Variants in CFAP20DC observed in about 807,000 individuals in gnomAD.
CFAP20DC encodes CFAP20 domain containing.
Under a neutral mutation model 101.7 loss-of-function variants are expected in CFAP20DC, and 84 were observed. The ratio of observed to expected loss-of-function variants is 0.83; its 90% CI spans 0.69 to 0.99. CFAP20DC has a LOEUF of 0.99. CFAP20DC is among the 50% of genes least tolerant of loss of function. The pLI, the probability that CFAP20DC is intolerant of heterozygous loss-of-function variation, is 0.00. For missense variants in CFAP20DC, 1,007 were observed against 970.3 expected (o/e 1.04, Z -0.50); for synonymous variants, 359 against 351.2 (o/e 1.02, Z -0.25).
At chr3:58,753,652 T>C (rs2107259745) in intron 16 of CFAP20DC, 117 bp downstream of exon 16, 2 of 743,406 alleles carry the variant, frequency 2.7e-6, no homozygotes, top group Middle Eastern at 3.6e-4. Context: ...ATTTAGGGTG[T>C]GTAAGACTAA....
At chr3:58,881,368 G>C (rs191963635) in intron 7 of CFAP20DC, among the ~76,000 whole-genome samples, 2 of 152,138 alleles carry the variant, frequency 1.3e-5, no homozygotes, top group East Asian at 3.9e-4. Flanking sequence ...AACCAGATCT[G>C]ATTCTCTGGT....
At chr3:58,853,294 A>G (rs1175297313) in intron 12 of CFAP20DC, among the ~76,000 whole-genome samples, 1 of 152,212 alleles carries the variant, frequency 6.6e-6, no homozygotes, top group African/African-American at 2.4e-5. Flanking sequence ...GAAGAAGTTG[A>G]ATCTCTGAAT....
At chr3:58,790,927 AG>A (rs1198286776) in intron 15 of CFAP20DC, among the ~76,000 whole-genome samples, 2 of 152,090 alleles carry the variant, frequency 1.3e-5, no homozygotes, top group African/African-American at 4.8e-5. Flanking sequence ...AAAATTCAAG[AG>A]GTATTTTATG....
chr3:58,844,331 T>A (rs879415158), intron 13 of CFAP20DC, among the ~76,000 whole-genome samples: 7,516 of 141,132 alleles, frequency 0.053, 341 homozygotes, highest in African/African-American at 0.14. Context: ...ACCAAGCAAA[T>A]GGAAAACAAA....
intron 14 of CFAP20DC, among the ~76,000 whole-genome samples, chr3:58,817,243 C>A (rs1222919239): frequency 6.6e-6 from 1 of 152,178 alleles, no homozygotes; most frequent in African/African-American, 2.4e-5. Flanking sequence ...CTCTCTTCCT[C>A]CAAAGGAACG....
Position 58,812,117 on chromosome 3 carries a change from C to G in CFAP20DC, c.2176-5661G>C, listed in dbSNP as rs191207251. On this transcript the variant is annotated intron_variant, in intron 14 of 16. Transcript: ENST00000482387. Reference sequence around the variant, plus strand: ...TTTACACTGTTGCTGGGACTGTAAACTAGCTCGACCATTGTGGAAGTCAGT... The same window carrying G: ...TTTACACTGTTGCTGGGACTGTAAAGTAGCTCGACCATTGTGGAAGTCAGT... Among the ~76,000 whole-genome samples the G allele has an allele frequency of 3.5e-3, 533 of 152,258 alleles. 5 individuals carry two copies. Among genetic ancestry groups the G allele is most frequent in the African/African-American group, 0.012 (505 of 41,558 alleles).
chr3:58,749,992 A>T (rs1468877801), intron 16 of CFAP20DC, among the ~76,000 whole-genome samples: 1 of 152,162 alleles, frequency 6.6e-6, no homozygotes, highest in African/African-American at 2.4e-5. Context: ...AGGAGCTGTG[A>T]AGAGCTGATC....
chr3:59,019,800 T>C (rs1408390432), intron 4 of CFAP20DC, among the ~76,000 whole-genome samples: 1 of 152,098 alleles, frequency 6.6e-6, no homozygotes, highest in East Asian at 1.9e-4. Flanking sequence ...AAAGGGTAGT[T>C]TGGGGATAGC....
chr3:58,997,251 A>T (rs1348529258), intron 4 of CFAP20DC, among the ~76,000 whole-genome samples: 3 of 152,200 alleles, frequency 2.0e-5, no homozygotes, highest in Admixed American at 6.5e-5. Flanking sequence ...AATCCTCATT[A>T]AAAAACTTGT....
intron 15 of CFAP20DC, chr3:58,794,277 C>A: frequency 2.2e-6 from 1 of 448,882 alleles, no homozygotes; most frequent in South Asian, 1.6e-5. Context: ...TTTTCTTGTC[C>A]TGAGCACCAA....
Position 59,049,937 on chromosome 3 carries a change from G to A in CFAP20DC, c.-306C>T, listed in dbSNP as rs2109353007. 1.4e-5 allele frequency: 5 copies of A among 355,118 alleles called. No homozygotes were observed. Among genetic ancestry groups the A allele is most frequent in the South Asian group, 8.0e-5 (1 of 12,458 alleles). The allele number at this position is 355,118 out of a possible 1,614,324, so 22.0% of individuals were successfully genotyped here. On this transcript the variant is annotated 5_prime_UTR_variant, in exon 1 of 17. Coordinates refer to ENST00000482387, the MANE Select transcript of CFAP20DC (RefSeq NM_001394063.1). ...GAGTGATTGTGTGTGTAACCTACGT[G>A]ACGGGGCGCCCAGTCGCGGAGCCAC...
intron 14 of CFAP20DC, among the ~76,000 whole-genome samples, chr3:58,818,064 A>G (rs1221437448): frequency 1.3e-5 from 2 of 150,896 alleles, no homozygotes; most frequent in Non-Finnish European, 3.0e-5. Flanking sequence ...AAGGAGAAAT[A>G]AAATACTTCA....
In CFAP20DC at chr3:58,861,656, T is replaced by G. The variant is rs2079258324; in HGVS notation, c.1593+1902A>C. 1.0e-6 allele frequency: 1 copy of G among 985,358 alleles called. No individual in the cohort carries two copies. The highest frequency in any genetic ancestry group is 4.7e-5 in the South Asian group (1 of 21,288). The allele number at this position is 985,358 out of a possible 1,614,324, so 61.0% of individuals were successfully genotyped here. ...TATCTTAGCTTGTATCTCGTTAGTC[T>G]CTGTACCAGCAAACCCCAAAGCTTG... On this transcript the variant is annotated intron_variant, in intron 12 of 16. Coordinates refer to ENST00000482387, the MANE Select transcript of CFAP20DC (RefSeq NM_001394063.1). This position sits in a 1 kb window ranked among gnomAD's most constrained non-coding sequence, Gnocchi z 4.0.
intron 4 of CFAP20DC, among the ~76,000 whole-genome samples, chr3:59,029,256 T>C (rs1205096361): frequency 6.6e-6 from 1 of 152,134 alleles, no homozygotes; most frequent in Non-Finnish European, 1.5e-5. Flanking sequence ...ACAGGCTCCA[T>C]GTCTTCATGA....
At chr3:58,739,412 A>ATT (rs199771556), downstream of CFAP20DC, among the ~76,000 whole-genome samples, 4 of 152,078 alleles carry the variant, frequency 2.6e-5, no homozygotes, top group African/African-American at 9.7e-5. Context: ...GAATCAATCT[A>ATT]TTTTTTTTAG....
chr3:58,818,570 C>G (rs1031847564), intron 14 of CFAP20DC, among the ~76,000 whole-genome samples: 10 of 149,194 alleles, frequency 6.7e-5, no homozygotes, highest in South Asian at 6.4e-4. Context: ...GTAAAGGGAT[C>G]AATTCAACAA....
At chr3:58,854,497 T>C (rs1339189656) in intron 12 of CFAP20DC, among the ~76,000 whole-genome samples, 2 of 152,128 alleles carry the variant, frequency 1.3e-5, no homozygotes. Flanking sequence ...TTAAAGTTCA[T>C]ATGGCACCAA....
At chr3:58,842,619 G>A (rs999888623) in intron 13 of CFAP20DC, among the ~76,000 whole-genome samples, 3 of 152,226 alleles carry the variant, frequency 2.0e-5, no homozygotes, top group African/African-American at 7.2e-5. Flanking sequence ...GCTTGATTAG[G>A]GAAACAAAGC....
At chr3:58,789,245 A>G (rs1290795772) in intron 15 of CFAP20DC, among the ~76,000 whole-genome samples, 1 of 152,200 alleles carries the variant, frequency 6.6e-6, no homozygotes, top group African/African-American at 2.4e-5. Flanking sequence ...AACTTTAACG[A>G]GAGAATAATT....
Sources: allele counts gnomAD v4.1 joint callset (sites outside exome capture counted in the v4.1 genomes callset), GRCh38; gene constraint gnomAD v4.1.1; non-coding constraint Gnocchi (gnomAD v3.1); transcripts MANE v1.5; gene names NCBI Gene and HGNC (gene_info 2026-07-23, HGNC 2026-07-21).